The following STMN4 variants were observed in gnomAD, a reference collection of about 807,000 sequenced individuals.
STMN4 encodes stathmin-4.
STMN4 carries 12 observed loss-of-function variants against 29.1 expected under a neutral mutation model. That is an observed-to-expected ratio of 0.41 (90% CI 0.26 to 0.67). The LOEUF (loss-of-function observed/expected upper bound fraction) is 0.67. Among genes scored for constraint, STMN4 ranks in the 30% least tolerant of loss-of-function variants. STMN4 has a pLI of 0.30. For missense variants in STMN4, 181 were observed against 262.8 expected, an observed-to-expected ratio of 0.69 and a Z score of 2.15; for synonymous variants, 114 against 105.3, an observed-to-expected ratio of 1.08 and a Z score of -0.51.
intron 1 of STMN4, among the ~76,000 whole-genome samples, chr8:27,257,459 AACACACAC>A (rs59516183): frequency 0.13 from 17,632 of 137,666 alleles, 1,621 homozygotes; most frequent in East Asian, 0.41. Context: ...CCCCCATACA[AACACACAC>A]ACACACACAC....
intron 6 of STMN4, among the ~76,000 whole-genome samples, chr8:27,238,629 G>C (rs1206018995): frequency 6.6e-6 from 1 of 152,180 alleles, no homozygotes; most frequent in Non-Finnish European, 1.5e-5. Flanking sequence ...ATGACAAAAG[G>C]CTGGCAGGAC....
chr8:27,257,182 C>A (rs1801964743), intron 1 of STMN4, among the ~76,000 whole-genome samples: 2 of 152,142 alleles, frequency 1.3e-5, no homozygotes, highest in South Asian at 4.1e-4. Flanking sequence ...TGCTCCAGCA[C>A]TATGATTATT....
At chr8:27,246,347 T>C (rs1351375439) in intron 1 of STMN4, among the ~76,000 whole-genome samples, 2 of 152,242 alleles carry the variant, frequency 1.3e-5, no homozygotes, top group African/African-American at 4.8e-5. Flanking sequence ...GTTAAAAATG[T>C]GTGCTTACTG....
chr8:27,253,471 G>A (rs1435775354), intron 1 of STMN4, among the ~76,000 whole-genome samples: 1 of 152,076 alleles, frequency 6.6e-6, no homozygotes, highest in Non-Finnish European at 1.5e-5. Flanking sequence ...TTTCAGTTCT[G>A]GATTATCGTT....
chr8:27,239,629 T>G, intron 6 of STMN4: 1 of 1,272,162 alleles, frequency 7.9e-7, no homozygotes, highest in Non-Finnish European at 1.0e-6. Flanking sequence ...CATTCAGGGA[T>G]GAAGCTAGGA....
At position 27,236,825 on chromosome 8, in the gene STMN4, A is replaced by G. The variant is rs749420533; in HGVS notation, c.*21T>C. The G allele has an allele frequency of 4.6e-5, 73 of 1,588,034 alleles. 1 individual carries two copies. The Admixed American group carries it at 1.3e-3, about 28-fold the overall frequency. On this transcript the variant is annotated 3_prime_UTR_variant, in exon 7 of 7. Coordinates refer to ENST00000350889, the MANE Select transcript of STMN4 (RefSeq NM_030795.4). ...GCTGGAGCTGTCCGGCTGACCTGGA[A>G]AGTTCTTTGGCCTCTAGGCTTTACC...
intron 6 of STMN4, chr8:27,239,317 C>T (rs748647022): frequency 6.5e-7 from 1 of 1,534,954 alleles, no homozygotes; most frequent in Admixed American, 2.0e-5. Flanking sequence ...CTCCCAGGAG[C>T]TGCAGGAGAA....
chr8:27,242,289 C>T (rs1801497414), intron 3 of STMN4, 108 bp downstream of exon 3: 8 of 1,114,930 alleles, frequency 7.2e-6, no homozygotes, highest in Non-Finnish European at 1.1e-5. Context: ...GGGAAGGAAA[C>T]TGTCTCGGGA....
intron 1 of STMN4, among the ~76,000 whole-genome samples, chr8:27,255,260 G>T (rs866971599): frequency 1.3e-5 from 2 of 152,208 alleles, no homozygotes; most frequent in Admixed American, 1.3e-4. Context: ...TCCCTGAGTG[G>T]CGTTACGAAA....
At chr8:27,243,607 G>C (rs1444318324) in intron 2 of STMN4, 104 bp downstream of exon 2, 1 of 1,260,318 alleles carries the variant, frequency 7.9e-7, no homozygotes, top group Non-Finnish European at 1.2e-6. Context: ...CACACACCCC[G>C]TGTGCTTCCT....
At chr8:27,239,254 G>C in intron 6 of STMN4, 1 of 1,535,636 alleles carries the variant, frequency 6.5e-7, no homozygotes, top group Admixed American at 2.0e-5. Flanking sequence ...ATCAGGTCCC[G>C]GGAGTCACCG....
In STMN4 at chr8:27,238,479, C is replaced by T. The variant is rs529354159; in HGVS notation, c.591+1492G>A. 1.3e-3 allele frequency among the ~76,000 whole-genome samples: 204 copies of T among 152,364 alleles called. 1 individual carries two copies. The highest frequency in any genetic ancestry group is 4.7e-3 in the African/African-American group (195 of 41,594). On this transcript the variant is annotated intron_variant, in intron 6 of 6. Transcript: ENST00000350889. ...CCCGACCTCCACAGCCATCACTCTA[C>T]AATATGGACCTTTCCAGTCTCTCTG...
At chr8:27,242,664 G>T (rs951246967) in intron 2 of STMN4, among the ~76,000 whole-genome samples, 172 bp from the exon 3 acceptor site, 3 of 152,176 alleles carry the variant, frequency 2.0e-5, no homozygotes, top group Admixed American at 6.5e-5. Flanking sequence ...TGCTGTTCAG[G>T]ATCCCTGTGT....
At chr8:27,238,751 T>G (rs1345990423) in intron 6 of STMN4, among the ~76,000 whole-genome samples, 1 of 152,250 alleles carries the variant, frequency 6.6e-6, no homozygotes, top group Non-Finnish European at 1.5e-5. Flanking sequence ...ATTTGACCTT[T>G]GTTGACATGT....
intron 1 of STMN4, among the ~76,000 whole-genome samples, chr8:27,245,748 G>A (rs529039130): frequency 1.3e-5 from 2 of 152,232 alleles, no homozygotes; most frequent in East Asian, 1.9e-4. Flanking sequence ...AATAGGTGGA[G>A]GGGAGGCAGA....
chr8:27,252,581 G>A (rs542360173), intron 1 of STMN4, among the ~76,000 whole-genome samples: 4 of 152,276 alleles, frequency 2.6e-5, no homozygotes, highest in African/African-American at 7.2e-5. Context: ...ATGAGCCACC[G>A]TGCCTGGCCA....
intron 1 of STMN4, among the ~76,000 whole-genome samples, chr8:27,254,457 G>T (rs1801879108): frequency 6.6e-6 from 1 of 152,176 alleles, no homozygotes; most frequent in African/African-American, 2.4e-5. Flanking sequence ...CGCCTTTTCT[G>T]ATCTGTTCTG....
At chr8:27,247,551 C>T (rs952760647) in intron 1 of STMN4, among the ~76,000 whole-genome samples, 1 of 152,202 alleles carries the variant, frequency 6.6e-6, no homozygotes, top group Non-Finnish European at 1.5e-5. Flanking sequence ...CTCCCCAGCA[C>T]CTGGCCTGGT....
chr8:27,249,591 C>G (rs1370615555), intron 1 of STMN4, among the ~76,000 whole-genome samples: 1 of 152,142 alleles, frequency 6.6e-6, no homozygotes, highest in Non-Finnish European at 1.5e-5. Context: ...ATACTTGCTC[C>G]TTCTCTGTCC....
Sources: gnomAD v4.1 joint callset for allele counts (sites outside exome capture counted in the v4.1 genomes callset) on GRCh38, gnomAD v4.1.1 for gene constraint, MANE v1.5 for transcripts, NCBI Gene and HGNC (gene_info 2026-07-23, HGNC 2026-07-21) for gene names.